NYAP2: variants seen among roughly 807,000 people sequenced by gnomAD.
The protein encoded by NYAP2 is neuronal tyrosine-phosphorylated phosphoinositide-3-kinase adaptor 2, also known as neuronal tyrosine-phosphorylated phosphoinositide-3-kinase adapter 2.
A neutral mutation model predicts 50.4 loss-of-function variants in NYAP2; 23 were observed. The observed-to-expected ratio is 0.46, with a 90% CI of 0.33 to 0.65. The LOEUF (loss-of-function observed/expected upper bound fraction) is 0.65. Among genes scored for constraint, NYAP2 ranks in the 30% least tolerant of loss-of-function variants. The probability of loss-of-function intolerance (pLI) is 0.02; values close to 1 mark genes in which losing one functional copy is unlikely to be tolerated. For synonymous variants in NYAP2, 394 were observed against 365.2 expected, an observed-to-expected ratio of 1.08 and a Z score of -0.90; for missense variants, 885 against 861.0, an observed-to-expected ratio of 1.03 and a Z score of -0.35.
exon 7 of NYAP2, chr2:225,653,753 C>G (rs911378343): frequency 1.3e-5 from 2 of 152,614 alleles, no homozygotes; most frequent in Admixed American, 1.3e-4. Context: ...GGCGTGGTGG[C>G]TCACGCCTGT....
At chr2:225,633,102 G>T (rs1264012295) in intron 6 of NYAP2, among the ~76,000 whole-genome samples, 1 of 152,130 alleles carries the variant, frequency 6.6e-6, no homozygotes. Context: ...AGTGGAAAGA[G>T]AATATTCCAC....
chr2:225,472,204 A>C (rs1690023015), intron 3 of NYAP2, among the ~76,000 whole-genome samples: 1 of 152,252 alleles, frequency 6.6e-6, no homozygotes, highest in Non-Finnish European at 1.5e-5. Flanking sequence ...CAAGAAGAAA[A>C]AAACTAAAAT....
chr2:225,675,508 G>C, the NYAP2 span, among the ~76,000 whole-genome samples: 1 of 152,078 alleles, frequency 6.6e-6, no homozygotes, highest in African/African-American at 2.4e-5. Context: ...AGTATTCCAT[G>C]GTGTATTTGT....
chr2:225,591,178 T>C (rs1172581219), intron 5 of NYAP2, among the ~76,000 whole-genome samples: 5 of 151,924 alleles, frequency 3.3e-5, no homozygotes, highest in East Asian at 1.9e-4. Context: ...GGACACTCTC[T>C]AGTCAGTGTG....
At chr2:225,663,708 C>T in the NYAP2 span, among the ~76,000 whole-genome samples, 1 of 152,188 alleles carries the variant, frequency 6.6e-6, no homozygotes, top group African/African-American at 2.4e-5. Context: ...CAGGTGCACA[C>T]CACCACGCCT....
chr2:225,579,481 C>T (rs1021427186), intron 4 of NYAP2, among the ~76,000 whole-genome samples: 1 of 152,204 alleles, frequency 6.6e-6, no homozygotes, highest in African/African-American at 2.4e-5. Context: ...ATAGAAACTT[C>T]TGTTTCTTAA....
the NYAP2 span, among the ~76,000 whole-genome samples, chr2:225,683,829 C>T: frequency 1.3e-5 from 2 of 152,138 alleles, no homozygotes; most frequent in South Asian, 2.1e-4. Flanking sequence ...TGGAAGTAAA[C>T]GGCTTGCTCC....
At chr2:225,471,559 C>T (rs1258381255) in intron 3 of NYAP2, among the ~76,000 whole-genome samples, 1 of 152,160 alleles carries the variant, frequency 6.6e-6, no homozygotes, top group Non-Finnish European at 1.5e-5. Flanking sequence ...AACATATTAA[C>T]AGAAATATCT....
chr2:225,485,430 T>C (rs977315946), intron 3 of NYAP2, among the ~76,000 whole-genome samples: 1 of 152,188 alleles, frequency 6.6e-6, no homozygotes, highest in Non-Finnish European at 1.5e-5. Context: ...ATTTCTAAGT[T>C]AGGTTTGTGC....
chr2:225,399,178 C>A (rs944034812), upstream of NYAP2, among the ~76,000 whole-genome samples: 1 of 152,026 alleles, frequency 6.6e-6, no homozygotes, highest in Admixed American at 6.6e-5. Flanking sequence ...GTAATAAGCA[C>A]ATCCCCTCCC....
chr2:225,656,235 G>C (rs1652317449), downstream of NYAP2, among the ~76,000 whole-genome samples: 2 of 152,048 alleles, frequency 1.3e-5, no homozygotes, highest in Non-Finnish European at 2.9e-5. Context: ...ACCACATAGT[G>C]CTTTGCCTCT....
chr2:225,447,299 T>C (rs980692154), intron 3 of NYAP2, among the ~76,000 whole-genome samples: 1 of 152,202 alleles, frequency 6.6e-6, no homozygotes, highest in African/African-American at 2.4e-5. Context: ...GCACCCTTCC[T>C]CAGGTTTTGT....
At chr2:225,512,690 G>T in intron 3 of NYAP2, among the ~76,000 whole-genome samples, 1 of 136,148 alleles carries the variant, frequency 7.3e-6, no homozygotes, top group Non-Finnish European at 1.6e-5. Context: ...TGCTTTGCTT[G>T]TCTTGCTTTG....
intron 3 of NYAP2, among the ~76,000 whole-genome samples, chr2:225,500,219 C>T (rs1215008885): frequency 6.6e-6 from 1 of 152,056 alleles, no homozygotes; most frequent in Non-Finnish European, 1.5e-5. Context: ...TTTGTCAAAA[C>T]CGAGGTTTCC....
chr2:225,633,240 G>A (rs1693352399), intron 6 of NYAP2, among the ~76,000 whole-genome samples: 1 of 152,162 alleles, frequency 6.6e-6, no homozygotes, highest in Admixed American at 6.5e-5. Flanking sequence ...ACCCACACAT[G>A]CACACAGACA....
chr2:225,613,153 A>C (rs909314413), intron 5 of NYAP2, among the ~76,000 whole-genome samples: 1 of 152,190 alleles, frequency 6.6e-6, no homozygotes, highest in African/African-American at 2.4e-5. Context: ...GTCCAAGTCC[A>C]AAAGCTTCAA....
chr2:225,463,730 A>C (rs916164121), intron 3 of NYAP2, among the ~76,000 whole-genome samples: 1 of 152,242 alleles, frequency 6.6e-6, no homozygotes, highest in African/African-American at 2.4e-5. Flanking sequence ...GAAAATCCCT[A>C]TGCAGGTCTT....
chr2:225,485,920 T>C (rs1276416263), intron 3 of NYAP2, among the ~76,000 whole-genome samples: 1 of 152,178 alleles, frequency 6.6e-6, no homozygotes, highest in Non-Finnish European at 1.5e-5. Flanking sequence ...TGGCCTCTAA[T>C]CATTAGATGC....
rs116634105 is a variant in NYAP2, at chr2:225,484,953, G to A, written c.222-28418G>A. Among the ~76,000 whole-genome samples the A allele has an allele frequency of 2.6e-3, 402 of 152,330 alleles. 3 individuals carry two copies. Among genetic ancestry groups the A allele is most frequent in the African/African-American group, 9.0e-3 (374 of 41,578 alleles). On this transcript the variant is annotated intron_variant, in intron 3 of 6. Coordinates refer to ENST00000636099, the Ensembl canonical transcript of NYAP2. ...CTAAGGGTGAGGCCCATCAGTGTGA[G>A]TTTTAAGAACCCCTGTGGGTAATTT...
Sources: allele counts gnomAD v4.1 joint callset (sites outside exome capture counted in the v4.1 genomes callset), GRCh38; gene constraint gnomAD v4.1.1; transcripts MANE v1.5; gene names NCBI Gene and HGNC (gene_info 2026-07-23, HGNC 2026-07-21).